DENND1B: variants seen among roughly 807,000 people sequenced by gnomAD.
DENND1B encodes DENN domain containing 1B.
A neutral mutation model predicts 90.1 loss-of-function variants in DENND1B; 59 were observed. The observed-to-expected ratio is 0.65, with a 90% CI of 0.53 to 0.81. The LOEUF is 0.81. Ranked by LOEUF, DENND1B falls within the 40% of genes least tolerant of loss-of-function variation. The probability of loss-of-function intolerance (pLI) is 0.00; values close to 1 mark genes in which losing one functional copy is unlikely to be tolerated. For missense variants in DENND1B, 862 were observed against 912.6 expected, an observed-to-expected ratio of 0.94 and a Z score of 0.71; for synonymous variants, 337 against 324.6, an observed-to-expected ratio of 1.04 and a Z score of -0.41.
In DENND1B at chr1:197,674,156, C is replaced by A. The variant is rs761554377; in HGVS notation, c.140G>T (p.Ser47Ile). 2.5e-6 allele frequency: 4 copies of A among 1,601,672 alleles called. No individual in the cohort carries two copies. The highest frequency in any genetic ancestry group is 3.4e-6 in the Non-Finnish European group (4 of 1,172,802). ...EDFGDQEILQ[S>I]VPKFCFPFDV... ...AAAGGGAAAACAGAACTTTGGCACACTCTGTAGTATTTCCTACAAATGGAA... is the reference window on the plus strand; with the variant it reads ...AAAGGGAAAACAGAACTTTGGCACAATCTGTAGTATTTCCTACAAATGGAA... Residue 47 changes from serine to isoleucine, a missense_variant, in exon 4 of 23, where the codon AGT becomes ATT. Coordinates refer to ENST00000620048, the MANE Select transcript of DENND1B (RefSeq NM_001195215.2).
At chr1:197,615,848 A>G (rs570758503) in intron 11 of DENND1B, among the ~76,000 whole-genome samples, 156 of 151,090 alleles carry the variant, frequency 1.0e-3, no homozygotes, top group African/African-American at 3.4e-3. Flanking sequence ...TTTGGCATGC[A>G]AGCTCTTAGA....
chr1:197,523,643 C>T (rs1668933968), intron 20 of DENND1B, among the ~76,000 whole-genome samples: 3 of 152,100 alleles, frequency 2.0e-5, no homozygotes, highest in Admixed American at 6.5e-5. Context: ...CTTTAGAAGA[C>T]TCTACTCTAA....
At chr1:197,718,513 T>A (rs192633576) in intron 2 of DENND1B, among the ~76,000 whole-genome samples, 4 of 152,106 alleles carry the variant, frequency 2.6e-5, no homozygotes, top group Non-Finnish European at 4.4e-5. Context: ...AATGGTGAAC[T>A]AAACAAAACA....
chr1:197,623,743 C>T (rs1177626615), intron 10 of DENND1B, among the ~76,000 whole-genome samples: 1 of 151,494 alleles, frequency 6.6e-6, no homozygotes, highest in Non-Finnish European at 1.5e-5. Flanking sequence ...TATATTGATA[C>T]ATCATTGTCA....
chr1:197,735,789 A>G, intron 2 of DENND1B: 1 of 1,611,440 alleles, frequency 6.2e-7, no homozygotes, highest in Non-Finnish European at 8.5e-7. Context: ...GATAAGCTGG[A>G]CTGTCCTCTA....
chr1:197,725,676 A>G (rs1460580915), intron 2 of DENND1B, among the ~76,000 whole-genome samples: 1 of 151,978 alleles, frequency 6.6e-6, no homozygotes, highest in Non-Finnish European at 1.5e-5. Context: ...AAAAAATCTA[A>G]AAGAGTGATA....
chr1:197,755,195 T>C (rs1355515541), intron 2 of DENND1B, among the ~76,000 whole-genome samples: 1 of 152,188 alleles, frequency 6.6e-6, no homozygotes, highest in African/African-American at 2.4e-5. Context: ...AAATCTTGGT[T>C]CAAGTCTGCC....
chr1:197,584,843 T>C (rs574113860), intron 14 of DENND1B, among the ~76,000 whole-genome samples: 1 of 152,176 alleles, frequency 6.6e-6, no homozygotes, highest in African/African-American at 2.4e-5. Context: ...GGCTAACATT[T>C]TGTATTTTCT....
Position 197,541,018 on chromosome 1 carries a change from A to C in DENND1B, c.1351-3T>G. On this transcript the variant is annotated splice_polypyrimidine_tract_variant and splice_region_variant and intron_variant, in intron 18 of 22. Coordinates refer to ENST00000620048, the MANE Select transcript of DENND1B (RefSeq NM_001195215.2). The stretch of plus-strand genomic sequence containing the variant: ...CCCAGCTTTGCATGATTTTTTGCCT[A>C]GAAAATGATAATGAATGTGCCTGGC... 1.2e-6 allele frequency: 2 copies of C among 1,612,508 alleles called. No individual in the cohort carries two copies. Among genetic ancestry groups the C allele is most frequent in the Non-Finnish European group, 1.7e-6 (2 of 1,179,096 alleles).
chr1:197,778,415 C>T (rs1219213518), upstream of DENND1B, among the ~76,000 whole-genome samples: 1 of 152,160 alleles, frequency 6.6e-6, no homozygotes, highest in African/African-American at 2.4e-5. Flanking sequence ...TGGCTCATGC[C>T]TGTCATCCCA....
At chr1:197,754,936 G>A (rs1654085037) in intron 2 of DENND1B, among the ~76,000 whole-genome samples, 1 of 151,594 alleles carries the variant, frequency 6.6e-6, no homozygotes, top group Admixed American at 6.6e-5. Context: ...TTTTGCAATG[G>A]GCCTGGAGTT....
intron 1 of DENND1B, chr1:197,774,434 C>T (rs1657010356): frequency 6.6e-6 from 1 of 152,080 alleles, no homozygotes; most frequent in African/African-American, 2.4e-5. Flanking sequence ...AAAACTCATG[C>T]CTCTAAGATA....
In DENND1B at chr1:197,553,056, A is replaced by G. The variant is rs760509423; in HGVS notation, c.1206T>C (p.Phe402=). Residue 402 remains phenylalanine (F), a synonymous_variant, in exon 16 of 23, where the codon TTT becomes TTC. Transcript: ENST00000620048. The part of the protein sequence containing the change: ...LNAGRGFSDV[F]EEEITSGGFC... ...AGCCACCTGAAGTGATCTCTTCTTC[A>G]AATACATCAGAGAAACCCCTTCCTG... is the stretch of plus-strand genomic sequence containing the variant. The G allele has an allele frequency of 6.4e-7, 1 of 1,567,894 alleles. No homozygotes were observed. Among genetic ancestry groups the G allele is most frequent in the Admixed American group, 2.1e-5 (1 of 48,724 alleles).
At chr1:197,577,724 G>A (rs1673811249) in intron 15 of DENND1B, among the ~76,000 whole-genome samples, 1 of 152,170 alleles carries the variant, frequency 6.6e-6, no homozygotes, top group Non-Finnish European at 1.5e-5. Context: ...GTGGATTTAA[G>A]GAACTGTTTC....
At chr1:197,553,518 T>C (rs1009974581) in intron 15 of DENND1B, among the ~76,000 whole-genome samples, 3 of 152,144 alleles carry the variant, frequency 2.0e-5, no homozygotes, top group Admixed American at 2.0e-4. Flanking sequence ...CAGCCAGGCC[T>C]GTTTACCCAG....
chr1:197,623,786 T>A (rs999384058), intron 10 of DENND1B, among the ~76,000 whole-genome samples: 8 of 151,502 alleles, frequency 5.3e-5, no homozygotes, highest in Non-Finnish European at 1.2e-4. Flanking sequence ...GAGTTCACAC[T>A]CTAGGATAAA....
chr1:197,583,449 G>A (rs1674421137), intron 14 of DENND1B, among the ~76,000 whole-genome samples, 196 bp from the exon 15 acceptor site: 1 of 152,042 alleles, frequency 6.6e-6, no homozygotes, highest in Non-Finnish European at 1.5e-5. Flanking sequence ...TCTAATCCAG[G>A]ATCCCATGTA....
intron 5 of DENND1B, among the ~76,000 whole-genome samples, chr1:197,661,719 G>C (rs1310184589): frequency 2.0e-5 from 3 of 151,974 alleles, no homozygotes; most frequent in Non-Finnish European, 4.4e-5. Context: ...TAGAAAGTGA[G>C]ATAATGTTTT....
At chr1:197,746,729 T>C in intron 2 of DENND1B, 1 of 1,029,432 alleles carries the variant, frequency 9.7e-7, no homozygotes, top group Non-Finnish European at 1.5e-6. Context: ...TCCACAAATG[T>C]CTTGAAGCAC....
Sources: gnomAD v4.1 joint callset for allele counts (sites outside exome capture counted in the v4.1 genomes callset) on GRCh38, gnomAD v4.1.1 for gene constraint, MANE v1.5 for transcripts, NCBI Gene and HGNC (gene_info 2026-07-23, HGNC 2026-07-21) for gene names.